CCDC30: variants seen among roughly 807,000 people sequenced by gnomAD.
CCDC30 encodes the protein coiled-coil domain-containing protein 30.
A neutral mutation model predicts 100.2 loss-of-function variants in CCDC30; 70 were observed. The observed-to-expected ratio is 0.70, with a 90% CI of 0.58 to 0.85. CCDC30 has a LOEUF of 0.85. CCDC30 is among the 40% of genes least tolerant of loss of function. The pLI, the probability that CCDC30 is intolerant of heterozygous loss-of-function variation, is 0.00. For missense variants in CCDC30, 652 were observed against 771.2 expected, an observed-to-expected ratio of 0.85 and a Z score of 1.83; for synonymous variants, 233 against 269.5, an observed-to-expected ratio of 0.86 and a Z score of 1.33.
At position 42,596,250 on chromosome 1, in the gene CCDC30, G is replaced by A. The variant is rs1028252393; in HGVS notation, c.1164+6767G>A. Reference sequence around the variant, plus strand: ...GTCTGAGAGAGAGAAACTCCAGAGGGACCCAGTCATTAGGGGACTTAGACA... The same window carrying A: ...GTCTGAGAGAGAGAAACTCCAGAGGAACCCAGTCATTAGGGGACTTAGACA... On this transcript the variant is annotated intron_variant, in intron 10 of 16. Coordinates refer to ENST00000668663, the Ensembl canonical transcript of CCDC30. The surrounding 1 kb of genome is among the most constrained non-coding windows in gnomAD (Gnocchi z 4.3). Among the ~76,000 whole-genome samples the A allele has an allele frequency of 6.6e-6, 1 of 152,186 alleles. No individual in the cohort carries two copies. Among genetic ancestry groups the A allele is most frequent in the Non-Finnish European group, 1.5e-5 (1 of 68,032 alleles).
At chr1:42,532,855 T>G (rs947694750) in intron 6 of CCDC30, among the ~76,000 whole-genome samples, 1 of 152,230 alleles carries the variant, frequency 6.6e-6, no homozygotes, top group African/African-American at 2.4e-5. Context: ...AAGCTCCGCC[T>G]CCCGGGTTCA....
intron 1 of CCDC30, among the ~76,000 whole-genome samples, chr1:42,464,531 T>A (rs1643507521): frequency 1.3e-5 from 2 of 152,354 alleles, no homozygotes; most frequent in Admixed American, 1.3e-4. Context: ...TTCTTTGTGA[T>A]GTAAGCCAAT....
intron 9 of CCDC30, among the ~76,000 whole-genome samples, chr1:42,584,167 A>G (rs1053885439): frequency 6.6e-6 from 1 of 152,238 alleles, no homozygotes; most frequent in African/African-American, 2.4e-5. Flanking sequence ...ATCTTACACA[A>G]ATATTATCTC....
rs997662876 is a variant in CCDC30, at chr1:42,532,867, G to A, written c.457-33429G>A. ...TGCAAGCTCCGCCTCCCGGGTTCAC[G>A]CCATTCTCCTGCCTCAGCCTCCCAA... On this transcript the variant is annotated intron_variant, in intron 6 of 16. Coordinates refer to ENST00000668663, the Ensembl canonical transcript of CCDC30. Among the ~76,000 whole-genome samples, 6 of 152,332 alleles carry A rather than the reference G, an allele frequency of 3.9e-5. 1 individual carries two copies. The highest frequency in any genetic ancestry group is 3.3e-4 in the Admixed American group (5 of 15,308).
chr1:42,521,745 A>C (rs968789092), intron 6 of CCDC30, among the ~76,000 whole-genome samples: 3 of 152,098 alleles, frequency 2.0e-5, no homozygotes, highest in Non-Finnish European at 4.4e-5. Context: ...ATTTGCCAAA[A>C]TATGTGTAAT....
intron 2 of CCDC30, among the ~76,000 whole-genome samples, chr1:42,481,770 G>A (rs147694921): frequency 9.2e-5 from 14 of 152,152 alleles, no homozygotes; most frequent in African/African-American, 3.1e-4. Context: ...GGTGAATAAA[G>A]TGTACACTGT....
chr1:42,651,964 C>G (rs966511680), intron 15 of CCDC30, among the ~76,000 whole-genome samples: 1 of 127,402 alleles, frequency 7.8e-6, no homozygotes, highest in Non-Finnish European at 1.7e-5. Flanking sequence ...TAAATTAGTA[C>G]AGCAATTATG....
intron 8 of CCDC30, among the ~76,000 whole-genome samples, chr1:42,578,870 T>C (rs981328305): frequency 2.0e-5 from 3 of 152,198 alleles, no homozygotes; most frequent in Non-Finnish European, 4.4e-5. Flanking sequence ...ATGGTAGTAT[T>C]ACTGGTAATC....
chr1:42,504,293 T>A (rs979031586), intron 6 of CCDC30, among the ~76,000 whole-genome samples: 5 of 152,248 alleles, frequency 3.3e-5, no homozygotes, highest in Non-Finnish European at 5.9e-5. Flanking sequence ...ATTATGGCCA[T>A]GATGAACATG....
chr1:42,534,467 G>A (rs1193243607), intron 6 of CCDC30, among the ~76,000 whole-genome samples: 2 of 152,156 alleles, frequency 1.3e-5, no homozygotes, highest in Non-Finnish European at 2.9e-5. Flanking sequence ...CATGATTCTT[G>A]ACTACATCTT....
chr1:42,463,732 C>T (rs1302430796), exon 1 of CCDC30: 4 of 152,128 alleles, frequency 2.6e-5, no homozygotes, highest in Non-Finnish European at 5.9e-5. Context: ...GCCCGAAGGT[C>T]CAGGCCACTA....
chr1:42,553,743 A>G (rs543703929), intron 6 of CCDC30, among the ~76,000 whole-genome samples: 8 of 151,912 alleles, frequency 5.3e-5, no homozygotes, highest in Admixed American at 6.6e-5. Context: ...CTTCCACTGG[A>G]TATAAGAAAA....
intron 6 of CCDC30, among the ~76,000 whole-genome samples, chr1:42,557,703 TAAATA>T (rs1645399249): frequency 6.8e-6 from 1 of 147,564 alleles, no homozygotes; most frequent in Admixed American, 6.8e-5. Flanking sequence ...TTAAATATAT[TAAATA>T]AAATATGTAA....
chr1:42,508,003 T>C (rs955614328), intron 6 of CCDC30, among the ~76,000 whole-genome samples: 2 of 152,230 alleles, frequency 1.3e-5, no homozygotes, highest in African/African-American at 4.8e-5. Flanking sequence ...AGACAATTAA[T>C]TAGAGCTCTT....
intron 6 of CCDC30, among the ~76,000 whole-genome samples, chr1:42,554,382 A>G (rs1645324672): frequency 6.7e-6 from 1 of 150,262 alleles, no homozygotes; most frequent in Admixed American, 6.7e-5. Flanking sequence ...GGTCCAAGAG[A>G]TTCTCCTGCC....
At chr1:42,550,127 G>A (rs1020119895) in intron 6 of CCDC30, among the ~76,000 whole-genome samples, 6 of 152,064 alleles carry the variant, frequency 3.9e-5, no homozygotes, top group Non-Finnish European at 7.4e-5. Flanking sequence ...AAACCTAGGA[G>A]TCACCTTTGA....
At chr1:42,486,682 T>G (rs1043935469) in intron 3 of CCDC30, among the ~76,000 whole-genome samples, 2 of 152,204 alleles carry the variant, frequency 1.3e-5, no homozygotes, top group African/African-American at 4.8e-5. Flanking sequence ...TCCTTTCCCT[T>G]TGCTGATTTT....
chr1:42,629,612 C>A (rs759903553), intron 11 of CCDC30, among the ~76,000 whole-genome samples: 1 of 151,870 alleles, frequency 6.6e-6, no homozygotes, highest in Non-Finnish European at 1.5e-5. Flanking sequence ...AAACTTCCTA[C>A]TCCTATTTCT....
chr1:42,490,142 T>C lies in CCDC30; in HGVS notation c.170-16T>C. 5.9e-6 allele frequency: 6 copies of C among 1,012,778 alleles called. No homozygotes were observed. The highest frequency in any genetic ancestry group is 4.3e-5 in the Admixed American group (1 of 23,358). The allele number at this position is 1,012,778 out of a possible 1,614,324, so 62.7% of individuals were successfully genotyped here. On this transcript the variant is annotated splice_polypyrimidine_tract_variant and intron_variant, in intron 3 of 16. Coordinates refer to ENST00000668663, the Ensembl canonical transcript of CCDC30. ...ATCATTTGTTCCTTATACAAATATT[T>C]TATTTCTTTTTTTAGATTCTGCACT...
Sources: allele counts gnomAD v4.1 joint callset (sites outside exome capture counted in the v4.1 genomes callset), GRCh38; gene constraint gnomAD v4.1.1; non-coding constraint Gnocchi (gnomAD v3.1); transcripts MANE v1.5; gene names NCBI Gene and HGNC (gene_info 2026-07-23, HGNC 2026-07-21).